BBOX1: variants seen among roughly 807,000 people sequenced by gnomAD.
BBOX1 encodes gamma-butyrobetaine dioxygenase.
Under a neutral mutation model 41.6 loss-of-function variants are expected in BBOX1, and 35 were observed. That is an observed-to-expected ratio of 0.84 (90% CI 0.64 to 1.11). The LOEUF (loss-of-function observed/expected upper bound fraction) is 1.11, where lower values mean the gene tolerates loss of function less well. Ranked by LOEUF, BBOX1 falls within the 50% of genes most tolerant of loss-of-function variation. BBOX1 has a pLI of 0.00. For missense variants in BBOX1, 458 were observed against 460.6 expected, an observed-to-expected ratio of 0.99 and a Z score of 0.05; for synonymous variants, 163 against 154.7, an observed-to-expected ratio of 1.05 and a Z score of -0.40.
At chr11:27,057,360 A>G (rs781155202) in intron 4 of BBOX1, 45 bp downstream of exon 4, 4 of 1,442,014 alleles carry the variant, frequency 2.8e-6, no homozygotes, top group Non-Finnish European at 3.8e-6. Flanking sequence ...CCCTTACAGT[A>G]AAGGATTTTT....
intron 5 of BBOX1, among the ~76,000 whole-genome samples, chr11:27,095,615 A>C (rs1045666420): frequency 1.3e-5 from 2 of 151,978 alleles, no homozygotes; most frequent in Non-Finnish European, 2.9e-5. Flanking sequence ...TGCATGCCAG[A>C]AAACGCCTTT....
intron 8 of BBOX1, 89 bp downstream of exon 8, chr11:27,125,909 A>G: frequency 7.2e-7 from 1 of 1,381,232 alleles, no homozygotes; most frequent in East Asian, 2.3e-5. Context: ...AGTTTTTCTC[A>G]GGTATGGCAT....
chr11:27,082,836 T>A (rs1857897010), intron 4 of BBOX1, among the ~76,000 whole-genome samples: 1 of 152,204 alleles, frequency 6.6e-6, no homozygotes, highest in East Asian at 1.9e-4. Flanking sequence ...GTAATTCTTG[T>A]TTTCTTCAGA....
intron 5 of BBOX1, among the ~76,000 whole-genome samples, chr11:27,098,583 G>A (rs1858531183): frequency 6.6e-6 from 1 of 152,000 alleles, no homozygotes; most frequent in Non-Finnish European, 1.5e-5. Flanking sequence ...GCAATGCATG[G>A]CTTTATCATA....
chr11:27,070,726 T>G (rs1277438795), intron 4 of BBOX1, among the ~76,000 whole-genome samples: 1 of 111,602 alleles, frequency 9.0e-6, no homozygotes, highest in Non-Finnish European at 2.0e-5. Flanking sequence ...TTTTTTTTTT[T>G]GGTCCATTCT....
At chr11:27,125,919 T>C (rs571863687) in intron 8 of BBOX1, 99 bp downstream of exon 8, 45 of 1,261,870 alleles carry the variant, frequency 3.6e-5, no homozygotes, top group East Asian at 1.9e-4. Flanking sequence ...AGGTATGGCA[T>C]GTAGAACACC....
rs558811973 is a variant in BBOX1 at position 27,114,038 on chromosome 11, T to C, written c.534-1414T>C. ...TCCACCCAAAAAAAGCTACTAAAGC[T>C]AATGAATGAATTTAGCAAGTTGCAG... On this transcript the variant is annotated intron_variant, in intron 5 of 8. Coordinates refer to ENST00000263182, the MANE Select transcript of BBOX1 (RefSeq NM_003986.3). Among the ~76,000 whole-genome samples, 69 of 151,980 alleles carry C rather than the reference T, an allele frequency of 4.5e-4. No individual in the cohort carries two copies. The Middle Eastern group carries it at 0.017, about 37-fold the overall frequency.
At chr11:27,075,461 G>T (rs948496217) in intron 4 of BBOX1, among the ~76,000 whole-genome samples, 7 of 152,122 alleles carry the variant, frequency 4.6e-5, no homozygotes, top group Non-Finnish European at 7.3e-5. Flanking sequence ...ATGGGTAAAT[G>T]CAACACCCAA....
intron 5 of BBOX1, among the ~76,000 whole-genome samples, chr11:27,100,855 A>ACCCCT: frequency 6.6e-6 from 1 of 151,114 alleles, no homozygotes; most frequent in African/African-American, 2.4e-5. Context: ...ACCCCACCCC[A>ACCCCT]CCCCCAGCAC....
intron 4 of BBOX1, among the ~76,000 whole-genome samples, chr11:27,091,862 A>C (rs1858258666): frequency 6.6e-6 from 1 of 152,112 alleles, no homozygotes; most frequent in Admixed American, 6.6e-5. Flanking sequence ...ATTTACACTT[A>C]GCAATTTTCG....
chr11:27,064,416 G>T (rs1043371808), intron 4 of BBOX1, among the ~76,000 whole-genome samples: 2 of 152,090 alleles, frequency 1.3e-5, no homozygotes, highest in Admixed American at 1.3e-4. Flanking sequence ...TGGGAGAATA[G>T]CTCACTGGAT....
chr11:27,051,681 CTGATTT>C (rs771955290), intron 2 of BBOX1, among the ~76,000 whole-genome samples: 1 of 151,836 alleles, frequency 6.6e-6, no homozygotes, highest in Admixed American at 6.6e-5. Flanking sequence ...TCTTTCATTT[CTGATTT>C]TGAGTCTTCT....
chr11:27,080,295 CA>C (rs1281769414), intron 4 of BBOX1, among the ~76,000 whole-genome samples: 2 of 152,030 alleles, frequency 1.3e-5, no homozygotes, highest in African/African-American at 4.8e-5. Context: ...TATGTGCTCA[CA>C]GCAATTTGTA....
At chr11:27,058,766 AAAGT>A (rs1590172524) in intron 4 of BBOX1, among the ~76,000 whole-genome samples, 1 of 152,318 alleles carries the variant, frequency 6.6e-6, no homozygotes, top group Non-Finnish European at 1.5e-5. Flanking sequence ...TCTAAGCAGC[AAAGT>A]AAGTGTTTAA....
chr11:27,071,117 A>T (rs577452631), intron 4 of BBOX1, among the ~76,000 whole-genome samples: 1 of 152,082 alleles, frequency 6.6e-6, no homozygotes, highest in Non-Finnish European at 1.5e-5. Context: ...GCTCATGCCT[A>T]TAATCCCAGC....
At chr11:27,076,309 T>A (rs1318092519) in intron 4 of BBOX1, among the ~76,000 whole-genome samples, 1 of 152,194 alleles carries the variant, frequency 6.6e-6, no homozygotes, top group Non-Finnish European at 1.5e-5. Flanking sequence ...TCCTTGGTTA[T>A]AAATAACCTT....
At chr11:27,077,818 G>T (rs997766818) in intron 4 of BBOX1, among the ~76,000 whole-genome samples, 2 of 152,016 alleles carry the variant, frequency 1.3e-5, no homozygotes, top group African/African-American at 4.8e-5. Context: ...TATATAGATT[G>T]TCTCTCTTGC....
intron 4 of BBOX1, among the ~76,000 whole-genome samples, chr11:27,089,888 T>C (rs532897086): frequency 6.6e-6 from 1 of 152,140 alleles, no homozygotes; most frequent in African/African-American, 2.4e-5. Context: ...AGGCAGTCAG[T>C]ATGTAATTTG....
chr11:27,060,082 G>T (rs1226528084), intron 4 of BBOX1, among the ~76,000 whole-genome samples: 1 of 152,082 alleles, frequency 6.6e-6, no homozygotes, highest in Admixed American at 6.6e-5. Flanking sequence ...GATATGGTTT[G>T]CATGTTCCAC....
Sources: allele counts gnomAD v4.1 joint callset (sites outside exome capture counted in the v4.1 genomes callset), GRCh38; gene constraint gnomAD v4.1.1; transcripts MANE v1.5; gene names NCBI Gene and HGNC (gene_info 2026-07-23, HGNC 2026-07-21).